KIF5C: variants seen among roughly 807,000 people sequenced by gnomAD.
KIF5C encodes the protein kinesin heavy chain isoform 5C.
Under a neutral mutation model 125.2 loss-of-function variants are expected in KIF5C, and 18 were observed. That is an observed-to-expected ratio of 0.14 (90% CI 0.10 to 0.21). The LOEUF is 0.21. KIF5C is among the 10% of genes least tolerant of loss of function. The pLI, the probability that KIF5C is intolerant of heterozygous loss-of-function variation, is 1.00. For missense variants in KIF5C, 780 were observed against 1,183.8 expected, an observed-to-expected ratio of 0.66 and a Z score of 5.01; for synonymous variants, 405 against 434.0, an observed-to-expected ratio of 0.93 and a Z score of 0.83.
At chr2:149,003,959 G>A (rs1681930911) in intron 21 of KIF5C, among the ~76,000 whole-genome samples, 1 of 152,238 alleles carries the variant, frequency 6.6e-6, no homozygotes, top group African/African-American at 2.4e-5. Flanking sequence ...GGTGGGCGCA[G>A]GTGTTAAGGA....
chr2:148,987,892 G>A (rs1333468742), intron 15 of KIF5C, among the ~76,000 whole-genome samples: 2 of 152,138 alleles, frequency 1.3e-5, no homozygotes, highest in African/African-American at 4.8e-5. Context: ...CTTACCTTGG[G>A]TGTGGCCTAG....
chr2:148,991,342 C>G, intron 16 of KIF5C, 144 bp downstream of exon 16: 1 of 1,378,992 alleles, frequency 7.3e-7, no homozygotes, highest in South Asian at 1.6e-5. Flanking sequence ...GATGGCAGCC[C>G]AGGTCTATTC....
intron 16 of KIF5C, among the ~76,000 whole-genome samples, chr2:148,993,049 C>T (rs903645898): frequency 2.6e-5 from 4 of 152,122 alleles, no homozygotes; most frequent in Admixed American, 6.6e-5. Flanking sequence ...TGTTAGATGC[C>T]GGCTGCCATT....
intron 1 of KIF5C, among the ~76,000 whole-genome samples, chr2:148,913,455 A>G (rs1382558984): frequency 6.6e-6 from 1 of 152,222 alleles, no homozygotes; most frequent in African/African-American, 2.4e-5. Flanking sequence ...GATAATTATA[A>G]TTATGTAAGC....
chr2:148,942,596 G>C, intron 6 of KIF5C, 77 bp from the exon 7 acceptor site: 1 of 1,543,638 alleles, frequency 6.5e-7, no homozygotes, highest in Non-Finnish European at 8.8e-7. Context: ...AAGATAAACA[G>C]GAAAATGTTT....
intron 14 of KIF5C, 50 bp from the exon 15 acceptor site, chr2:148,983,569 AT>A: frequency 6.7e-7 from 1 of 1,496,210 alleles, no homozygotes; most frequent in South Asian, 1.4e-5. Context: ...TGTGGAGTGT[AT>A]GAAATTGATG....
chr2:148,925,922 G>A (rs1415511466), intron 2 of KIF5C, among the ~76,000 whole-genome samples: 2 of 152,210 alleles, frequency 1.3e-5, no homozygotes, highest in Non-Finnish European at 2.9e-5. Flanking sequence ...TGGCCAGCCG[G>A]CATGCGGGCT....
At chr2:148,919,680 C>T (rs1447144274) in intron 1 of KIF5C, among the ~76,000 whole-genome samples, 2 of 152,186 alleles carry the variant, frequency 1.3e-5, no homozygotes, top group Non-Finnish European at 2.9e-5. Flanking sequence ...ACAGCTGGTA[C>T]AGCTATGCCC....
intron 25 of KIF5C, chr2:149,020,188 C>T (rs1374769888): frequency 6.6e-6 from 1 of 152,076 alleles, no homozygotes; most frequent in African/African-American, 2.4e-5. Context: ...TATGAAGATC[C>T]AGATAGTGGG....
chr2:148,911,361 G>A (rs757455310), intron 1 of KIF5C, among the ~76,000 whole-genome samples: 1 of 152,208 alleles, frequency 6.6e-6, no homozygotes, highest in Non-Finnish European at 1.5e-5. Flanking sequence ...CAGCATCCAG[G>A]GGGGCTGCTG....
At chr2:149,007,924 G>T in intron 22 of KIF5C, 39 bp from the exon 23 acceptor site, 1 of 1,513,528 alleles carries the variant, frequency 6.6e-7, no homozygotes, top group Non-Finnish European at 9.0e-7. Flanking sequence ...GGGTGGGTGG[G>T]TGACAGCCTG....
Position 148,991,015 on chromosome 2 carries a change from A to G in KIF5C, c.1722A>G (p.Ala574=). The change falls in exon 16 of 26, where the codon GCA becomes GCG. Residue 574 remains alanine (A), a synonymous_variant. Transcript: ENST00000435030. ...GTGTCCCCTTCTTTGCTCAGTTGGC[A>G]GATGTGAATGGAGTCATTGAGGAGG... ...IIGTNDVKTL[A]DVNGVIEEEF... The G allele has an allele frequency of 6.2e-7, 1 of 1,612,984 alleles. No homozygotes were observed. Among genetic ancestry groups the G allele is most frequent in the Non-Finnish European group, 8.5e-7 (1 of 1,179,350 alleles).
At chr2:148,934,305 A>G (rs982857893) in intron 3 of KIF5C, among the ~76,000 whole-genome samples, 6 of 151,666 alleles carry the variant, frequency 4.0e-5, no homozygotes, top group Admixed American at 2.6e-4. Flanking sequence ...ACCCCTACAT[A>G]ACATCATAAA....
At chr2:148,950,286 A>G in intron 9 of KIF5C, 28 bp from the exon 10 acceptor site, 1 of 1,608,452 alleles carries the variant, frequency 6.2e-7, no homozygotes, top group Non-Finnish European at 8.5e-7. Flanking sequence ...GGGCTGTCAA[A>G]ACCAATACTT....
chr2:148,888,286 C>A (rs755210513), intron 1 of KIF5C: 1 of 152,368 alleles, frequency 6.6e-6, no homozygotes, highest in Admixed American at 6.5e-5. Context: ...CTGCCACTTA[C>A]CTTCTGTCAC....
Position 148,941,972 on chromosome 2 carries a change from C to G in KIF5C, c.483C>G (p.Asn161Lys), listed in dbSNP as rs1682416562. The change falls in exon 6 of 26, where the codon AAC (asparagine) becomes AAG (lysine). Residue 161 changes from asparagine to lysine, a missense_variant. By Grantham distance (94) the Asn-to-Lys change is moderately conservative. Around this residue, in one of 2 missense-constraint regions of KIF5C, gnomAD observed 207 missense variants for 441.2 expected, o/e 0.47. Coordinates refer to ENST00000435030, the MANE Select transcript of KIF5C (RefSeq NM_004522.3). Reference sequence around the variant, plus strand: ...ACTTGGCTGTTCATGAAGATAAAAACAGAGTCCCGTATGTAAAGGTATGAG... The same window carrying G: ...ACTTGGCTGTTCATGAAGATAAAAAGAGAGTCCCGTATGTAAAGGTATGAG... ...KTNLAVHEDK[N>K]RVPYVKGCTE... 6.2e-7 allele frequency: 1 copy of G among 1,612,196 alleles called. No individual in the cohort carries two copies. Among genetic ancestry groups the G allele is most frequent in the African/African-American group, 1.3e-5 (1 of 74,864 alleles).
intron 16 of KIF5C, among the ~76,000 whole-genome samples, chr2:148,992,331 G>A (rs559847718): frequency 4.6e-5 from 7 of 152,228 alleles, no homozygotes; most frequent in South Asian, 2.1e-4. Context: ...GGGAAGCACC[G>A]TGGAAATCAG....
chr2:148,987,263 C>G (rs1482635916), intron 15 of KIF5C, among the ~76,000 whole-genome samples: 2 of 152,148 alleles, frequency 1.3e-5, no homozygotes, highest in Admixed American at 1.3e-4. Flanking sequence ...ACATGGGTCC[C>G]ATGTTCACTT....
intron 8 of KIF5C, 31 bp downstream of exon 8, chr2:148,947,054 A>G: frequency 1.3e-6 from 2 of 1,580,376 alleles, no homozygotes; most frequent in Admixed American, 1.9e-5. Flanking sequence ...ATTATCTATA[A>G]TTTTCCCCTT....
Sources: gnomAD v4.1 joint callset for allele counts (sites outside exome capture counted in the v4.1 genomes callset) on GRCh38, gnomAD v4.1.1 for gene constraint, gnomAD v4.1.1 regional missense constraint, MANE v1.5 for transcripts, NCBI Gene and HGNC (gene_info 2026-07-23, HGNC 2026-07-21) for gene names.